Variants in ADAMTS8 observed in about 807,000 individuals in gnomAD.
ADAMTS8 encodes the protein ADAM metallopeptidase with thrombospondin type 1 motif 8, also known as A disintegrin and metalloproteinase with thrombospondin motifs 8.
Under a neutral mutation model 64.4 loss-of-function variants are expected in ADAMTS8, and 50 were observed. The observed-to-expected ratio is 0.78, with a 90% CI of 0.62 to 0.98. The LOEUF is 0.98. Among genes scored for constraint, ADAMTS8 ranks in the 50% least tolerant of loss-of-function variants. The pLI is 0.00. For synonymous variants in ADAMTS8, 556 were observed against 533.6 expected (o/e 1.04, Z -0.58); for missense variants, 1,192 against 1,208.2 (o/e 0.99, Z 0.20).
intron 4 of ADAMTS8, 97 bp from the exon 5 acceptor site, chr11:130,414,929 G>A: frequency 7.7e-7 from 1 of 1,297,570 alleles, no homozygotes; most frequent in East Asian, 2.5e-5. Context: ...AGGTCTAGGT[G>A]TCACGACTTC....
intron 6 of ADAMTS8, among the ~76,000 whole-genome samples, chr11:130,409,488 C>T (rs147215369): frequency 1.2e-4 from 18 of 152,292 alleles, no homozygotes; most frequent in South Asian, 4.2e-4. Context: ...GGTCCTTCCA[C>T]GAACTGTCTT....
Position 130,416,349 on chromosome 11 carries a change from TC to T in ADAMTS8, c.1097-20del, listed in dbSNP as rs914157222. 16 of 1,544,580 alleles carry T rather than the reference TC, an allele frequency of 1.0e-5. No homozygotes were observed. Among genetic ancestry groups the T allele is most frequent in the African/African-American group, 1.4e-5 (1 of 73,226 alleles). On this transcript the variant is annotated intron_variant, in intron 3 of 8. Transcript: ENST00000257359. The surrounding 1 kb of genome is among the most constrained non-coding windows in gnomAD (Gnocchi z 4.8). ...ACGTGCCCTGGGGAGAGAGGCCTGG[TC>T]CACTCCGCCCTGTCCTGCCTGAGGG...
rs4997571 is a variant in ADAMTS8, at chr11:130,406,384, G to C, written c.2100-256C>G. Among the ~76,000 whole-genome samples the C allele has an allele frequency of 0.47, 71,755 of 152,082 alleles. 17,511 individuals are homozygous for C. Among genetic ancestry groups the C allele is most frequent in the East Asian group, 0.64 (3,287 of 5,176 alleles). Reference sequence around the variant, plus strand: ...AAGTGTGGTTGAGGAGTTGAGGTATGTGGGTGTTGAGAACAGCATAGAGAC... The same window carrying C: ...AAGTGTGGTTGAGGAGTTGAGGTATCTGGGTGTTGAGAACAGCATAGAGAC... On this transcript the variant is annotated intron_variant, in intron 8 of 8. Transcript: ENST00000257359.
At chr11:130,418,971 T>C in intron 2 of ADAMTS8, 82 bp downstream of exon 2, 1 of 1,587,244 alleles carries the variant, frequency 6.3e-7, no homozygotes. Flanking sequence ...TTTCCCATGT[T>C]TGGGCAGGCC....
Position 130,427,657 on chromosome 11 carries a change from C to G in ADAMTS8, c.630G>C (p.Arg210Ser). The G allele has an allele frequency of 6.3e-7, 1 of 1,592,262 alleles. No homozygotes were observed. Among genetic ancestry groups the G allele is most frequent in the Non-Finnish European group, 8.5e-7 (1 of 1,171,496 alleles). ...GCGCCTCAGACACAAACCGCTTGGTCCTACTCGTGGCCCCCAGGGGCGGTG... is the reference window on the plus strand; with the variant it reads ...GCGCCTCAGACACAAACCGCTTGGTGCTACTCGTGGCCCCCAGGGGCGGTG... ...EPPPPLGATS[R>S]TKRFVSEARF... Residue 210 changes from arginine (R) to serine (S), a missense_variant, in exon 1 of 9, where the codon AGG becomes AGC. By Grantham distance (110) the Arg-to-Ser change is moderately radical. Around this residue, in one of 5 missense-constraint regions of ADAMTS8, gnomAD observed 741 missense variants for 710.6 expected, o/e 1.04. Transcript: ENST00000257359.
intron 1 of ADAMTS8, among the ~76,000 whole-genome samples, chr11:130,421,140 G>A (rs779986844): frequency 5.9e-5 from 9 of 152,210 alleles, no homozygotes; most frequent in Non-Finnish European, 1.0e-4. Flanking sequence ...CTTCGGGGCC[G>A]AGACAGCTCA....
chr11:130,414,977 T>G, intron 4 of ADAMTS8, 145 bp from the exon 5 acceptor site: 8 of 886,940 alleles, frequency 9.0e-6, no homozygotes, highest in Non-Finnish European at 6.7e-6. Flanking sequence ...CTTGATGATC[T>G]AGTGAGAGCA....
At chr11:130,418,847 A>G (rs1292852015) in intron 2 of ADAMTS8, among the ~76,000 whole-genome samples, 1 of 152,178 alleles carries the variant, frequency 6.6e-6, no homozygotes, top group Admixed American at 6.5e-5. Context: ...TTTGGAAGAG[A>G]GCCCTTACAA....
chr11:130,417,007 G>C lies in ADAMTS8; in HGVS notation c.1029C>G (p.Pro343=). Residue 343 remains proline (P), a synonymous_variant, in exon 3 of 9, where the codon CCC becomes CCG. Transcript: ENST00000257359. Reference sequence around the variant, plus strand: ...CCTCGATCACGGAGCAGCTTTTGTTGGGGTCACAAATGGTCCCGATGTCTG... The same window carrying C: ...CCTCGATCACGGAGCAGCTTTTGTTCGGGTCACAAATGGTCCCGATGTCTG... ...GVADIGTICD[P]NKSCSVIEDE... 1 of 1,614,050 alleles carries C rather than the reference G, an allele frequency of 6.2e-7. No individual in the cohort carries two copies. Among genetic ancestry groups the C allele is most frequent in the Non-Finnish European group, 8.5e-7 (1 of 1,180,024 alleles).
intron 8 of ADAMTS8, among the ~76,000 whole-genome samples, chr11:130,407,229 G>A (rs1340335058): frequency 6.6e-6 from 1 of 152,158 alleles, no homozygotes; most frequent in African/African-American, 2.4e-5. Flanking sequence ...TTAGCTGGGT[G>A]TGGTGGTGCA....
chr11:130,419,003 GCCCATCCTGTCTCCCTTCCTC>G (rs751090486), intron 2 of ADAMTS8, 29 bp downstream of exon 2: 1 of 1,610,220 alleles, frequency 6.2e-7, no homozygotes, highest in South Asian at 1.1e-5. Flanking sequence ...CCTTTGATCT[GCCCATCCTGTCTCCCTTCCTC>G]CCCAGGGCTT....
In ADAMTS8 at chr11:130,416,747, G is replaced by C. The variant is rs1485393123; in HGVS notation, c.1096+193C>G. Reference sequence around the variant, plus strand: ...TGCTGCTTTTGTATTTTGGCCATGTGCTCGGGGTGGGAGCGGAGTTGTGTT... The same window carrying C: ...TGCTGCTTTTGTATTTTGGCCATGTCCTCGGGGTGGGAGCGGAGTTGTGTT... On this transcript the variant is annotated intron_variant, in intron 3 of 8. Transcript: ENST00000257359. This position sits in a 1 kb window ranked among gnomAD's most constrained non-coding sequence, Gnocchi z 4.8. 6.6e-6 allele frequency among the ~76,000 whole-genome samples: 1 copy of C among 152,204 alleles called. No individual in the cohort carries two copies. The highest frequency in any genetic ancestry group is 1.9e-4 in the East Asian group (1 of 5,182).
intron 5 of ADAMTS8, 91 bp downstream of exon 5, chr11:130,414,440 T>A: frequency 7.0e-7 from 1 of 1,432,176 alleles, no homozygotes; most frequent in South Asian, 1.4e-5. Context: ...CTCTCAAGTG[T>A]GGTTTCCTTC....
chr11:130,419,657 A>G (rs748812375), intron 1 of ADAMTS8, among the ~76,000 whole-genome samples: 25 of 152,246 alleles, frequency 1.6e-4, no homozygotes, highest in South Asian at 4.1e-4. Context: ...TAGTGCTTCA[A>G]TAGTCATATA....
intron 2 of ADAMTS8, among the ~76,000 whole-genome samples, chr11:130,418,078 G>A (rs1862051077): frequency 1.4e-5 from 2 of 146,724 alleles, no homozygotes; most frequent in South Asian, 2.2e-4. Flanking sequence ...TACTCAGGAG[G>A]CTTGAGGTGG....
rs114357412 is a variant in ADAMTS8, at chr11:130,411,609, T to C, written c.1567-9A>G. On this transcript the variant is annotated splice_polypyrimidine_tract_variant and intron_variant, in intron 5 of 8. Transcript: ENST00000257359. This position sits in a 1 kb window ranked among gnomAD's most constrained non-coding sequence, Gnocchi z 4.2. ...CCTCCATCTGCCACGGGCTGCAACA[T>C]ACAATGGCACACTGAATGAGGAGCA... The C allele has an allele frequency of 4.1e-4, 663 of 1,613,826 alleles. No individual in the cohort carries two copies. The African/African-American group carries it at 8.0e-3, about 20-fold the overall frequency.
intron 5 of ADAMTS8, among the ~76,000 whole-genome samples, chr11:130,412,713 A>T (rs1861968146): frequency 6.6e-6 from 1 of 152,268 alleles, no homozygotes; most frequent in South Asian, 2.1e-4. Flanking sequence ...CACTACCCAG[A>T]TAAAACCATT....
intron 5 of ADAMTS8, among the ~76,000 whole-genome samples, chr11:130,414,274 T>C (rs1861990737): frequency 6.6e-6 from 1 of 151,378 alleles, no homozygotes; most frequent in Non-Finnish European, 1.5e-5. Flanking sequence ...CAAGCGTGAG[T>C]CACCATGCCT....
At position 130,405,426 on chromosome 11, in the gene ADAMTS8, C is replaced by T. The variant is rs1015780906; in HGVS notation, c.*132G>A. 1.2e-5 allele frequency: 18 copies of T among 1,486,902 alleles called. No homozygotes were observed. The highest frequency in any genetic ancestry group is 4.6e-5 in the East Asian group (2 of 43,230). 92.1% of individuals were successfully genotyped at this position (1,486,902 alleles called of 1,614,324 possible). ...AATTTGTGCAGTACTGGAGGGGTTG[C>T]GGCAATGGGAGGCCTGGGTGGGCCG... On this transcript the variant is annotated 3_prime_UTR_variant, in exon 9 of 9. Coordinates refer to ENST00000257359, the MANE Select transcript of ADAMTS8 (RefSeq NM_007037.6).
Sources: allele counts gnomAD v4.1 joint callset (sites outside exome capture counted in the v4.1 genomes callset), GRCh38; gene constraint gnomAD v4.1.1; regional missense constraint gnomAD v4.1.1; non-coding constraint Gnocchi (gnomAD v3.1); transcripts MANE v1.5; gene names NCBI Gene and HGNC (gene_info 2026-07-23, HGNC 2026-07-21).